RPS6KC1: variants seen among roughly 807,000 people sequenced by gnomAD.
The protein encoded by RPS6KC1 is ribosomal protein S6 kinase C1.
A neutral mutation model predicts 103.8 loss-of-function variants in RPS6KC1; 54 were observed. The ratio of observed to expected loss-of-function variants is 0.52; its 90% confidence interval spans 0.42 to 0.65. The LOEUF (loss-of-function observed/expected upper bound fraction) is 0.65, where lower values mean the gene tolerates loss of function less well. Among genes scored for constraint, RPS6KC1 ranks in the 30% least tolerant of loss-of-function variants. The probability of loss-of-function intolerance (pLI) is 0.00; values close to 1 mark genes in which losing one functional copy is unlikely to be tolerated. For missense variants in RPS6KC1, 1,151 were observed against 1,253.8 expected (o/e 0.92, Z 1.24); for synonymous variants, 439 against 438.7 (o/e 1.00, Z -0.01).
the RPS6KC1 span, among the ~76,000 whole-genome samples, chr1:213,827,731 A>G: frequency 6.6e-6 from 1 of 152,122 alleles, no homozygotes; most frequent in Non-Finnish European, 1.5e-5. Context: ...CTCCTTCACC[A>G]TCAGGGATGA....
chr1:213,711,401 C>T, the RPS6KC1 span, among the ~76,000 whole-genome samples: 3 of 152,104 alleles, frequency 2.0e-5, no homozygotes, highest in African/African-American at 4.8e-5. Flanking sequence ...TTCTAGTTAG[C>T]AATTCCTGTA....
At chr1:213,856,257 A>G in the RPS6KC1 span, among the ~76,000 whole-genome samples, 1 of 152,188 alleles carries the variant, frequency 6.6e-6, no homozygotes. Context: ...CTTCTCTAAG[A>G]AAAGCAGAGA....
the RPS6KC1 span, among the ~76,000 whole-genome samples, chr1:213,620,519 A>G: frequency 6.6e-6 from 1 of 152,218 alleles, no homozygotes; most frequent in Non-Finnish European, 1.5e-5. Context: ...AGAACTAGCA[A>G]ATTTCACTTC....
intron 12 of RPS6KC1, among the ~76,000 whole-genome samples, chr1:213,260,328 G>A (rs370968343): frequency 6.6e-6 from 1 of 152,182 alleles, no homozygotes; most frequent in Non-Finnish European, 1.5e-5. Context: ...GGGCTGTGAA[G>A]GGGTAGAGTT....
At chr1:213,094,083 G>T (rs1314897497) in intron 3 of RPS6KC1, among the ~76,000 whole-genome samples, 1 of 85,414 alleles carries the variant, frequency 1.2e-5, no homozygotes. Context: ...TCAAATTTAT[G>T]CTCCCCCCCC....
chr1:213,532,404 GA>G, the RPS6KC1 span, among the ~76,000 whole-genome samples: 3 of 152,012 alleles, frequency 2.0e-5, no homozygotes, highest in Middle Eastern at 3.4e-3. Flanking sequence ...TTTTTCTGTG[GA>G]AAAAAAAGTC....
the RPS6KC1 span, among the ~76,000 whole-genome samples, chr1:213,566,718 T>C: frequency 6.6e-6 from 1 of 151,358 alleles, no homozygotes; most frequent in African/African-American, 2.4e-5. Context: ...GCTATAACTA[T>C]GCTATAACTA....
At chr1:213,839,688 T>C in the RPS6KC1 span, 1 of 152,096 alleles carries the variant, frequency 6.6e-6, no homozygotes, top group Non-Finnish European at 1.5e-5. Flanking sequence ...CCATACAGTA[T>C]GGGCTTTGGA....
At chr1:213,677,984 C>A in the RPS6KC1 span, among the ~76,000 whole-genome samples, 1 of 149,178 alleles carries the variant, frequency 6.7e-6, no homozygotes, top group Non-Finnish European at 1.5e-5. Context: ...CCAGCCGGGG[C>A]GACACAGCAG....
chr1:213,625,830 T>A, the RPS6KC1 span, among the ~76,000 whole-genome samples: 4 of 152,320 alleles, frequency 2.6e-5, 1 homozygote, highest in African/African-American at 7.2e-5. Context: ...AGTCTATCGT[T>A]GTTGGACATT....
the RPS6KC1 span, among the ~76,000 whole-genome samples, chr1:213,317,293 C>T: frequency 6.6e-6 from 1 of 152,106 alleles, no homozygotes; most frequent in Admixed American, 6.5e-5. Flanking sequence ...CTGTAGCTGC[C>T]CATTTCCCAG....
chr1:213,648,187 G>T, the RPS6KC1 span, among the ~76,000 whole-genome samples: 7 of 152,226 alleles, frequency 4.6e-5, no homozygotes, highest in South Asian at 1.2e-3. Context: ...CAGGTGTTGT[G>T]GTGCTTCCCT....
intron 8 of RPS6KC1, among the ~76,000 whole-genome samples, chr1:213,197,090 G>C (rs12401550): frequency 0.45 from 68,553 of 151,942 alleles, 19,229 homozygotes; most frequent in Non-Finnish European, 0.62. Flanking sequence ...ACCCGCCTCA[G>C]CCTCCCAAAG....
the RPS6KC1 span, among the ~76,000 whole-genome samples, chr1:213,679,876 T>A: frequency 1.3e-5 from 2 of 152,228 alleles, no homozygotes; most frequent in African/African-American, 4.8e-5. Flanking sequence ...GCTGTTTTGA[T>A]CTGCTAGAGT....
At chr1:213,469,314 C>A in the RPS6KC1 span, among the ~76,000 whole-genome samples, 1 of 152,122 alleles carries the variant, frequency 6.6e-6, no homozygotes, top group Non-Finnish European at 1.5e-5. Context: ...TTACTGTTAG[C>A]TTAAAATTTA....
chr1:213,586,384 A>G, the RPS6KC1 span, among the ~76,000 whole-genome samples: 2 of 152,340 alleles, frequency 1.3e-5, no homozygotes, highest in South Asian at 4.1e-4. Flanking sequence ...TTGAGATGGA[A>G]ATAAATCTGG....
the RPS6KC1 span, among the ~76,000 whole-genome samples, chr1:213,745,331 T>C: frequency 2.0e-5 from 3 of 148,996 alleles, no homozygotes; most frequent in African/African-American, 7.4e-5. Flanking sequence ...AGAAGAAAAA[T>C]GTCAGGCTTG....
At chr1:213,582,382 C>A in the RPS6KC1 span, among the ~76,000 whole-genome samples, 1 of 151,938 alleles carries the variant, frequency 6.6e-6, no homozygotes, top group Non-Finnish European at 1.5e-5. Context: ...AAAAATGAAA[C>A]CCAAGCAAAG....
At chr1:213,565,159 A>G in the RPS6KC1 span, among the ~76,000 whole-genome samples, 4 of 152,352 alleles carry the variant, frequency 2.6e-5, no homozygotes, top group African/African-American at 9.6e-5. Flanking sequence ...TAACAACAGA[A>G]ATTCATATAT....
Sources: allele counts gnomAD v4.1 joint callset (sites outside exome capture counted in the v4.1 genomes callset), GRCh38; gene constraint gnomAD v4.1.1; transcripts MANE v1.5; gene names NCBI Gene and HGNC (gene_info 2026-07-23, HGNC 2026-07-21).